TMEM132D: variants seen among roughly 807,000 people sequenced by gnomAD.
The protein encoded by TMEM132D is transmembrane protein 132D.
Under a neutral mutation model 62.3 loss-of-function variants are expected in TMEM132D, and 21 were observed. That is an observed-to-expected ratio of 0.34 (90% confidence interval 0.24 to 0.49). The LOEUF (loss-of-function observed/expected upper bound fraction) is 0.49, where lower values mean the gene tolerates loss of function less well. Among genes scored for constraint, TMEM132D ranks in the 20% least tolerant of loss-of-function variants. The pLI is 0.99. For missense variants in TMEM132D, 1,346 were observed against 1,402.8 expected (o/e 0.96, Z 0.65); for synonymous variants, 621 against 575.6 (o/e 1.08, Z -1.13).
intron 5 of TMEM132D, among the ~76,000 whole-genome samples, chr12:129,203,269 T>A (rs1368017720): frequency 6.6e-6 from 1 of 152,262 alleles, no homozygotes; most frequent in African/African-American, 2.4e-5. Flanking sequence ...TCTGACCACA[T>A]GACAGCTCCA....
chr12:129,739,171 G>C (rs898935680), intron 1 of TMEM132D, among the ~76,000 whole-genome samples: 1 of 152,196 alleles, frequency 6.6e-6, no homozygotes, highest in Admixed American at 6.5e-5. Context: ...GGTGGGTTAT[G>C]GATATCGGCT....
chr12:129,818,418 T>A (rs1872437320), intron 1 of TMEM132D, among the ~76,000 whole-genome samples: 1 of 143,812 alleles, frequency 7.0e-6, no homozygotes, highest in African/African-American at 2.6e-5. Context: ...GGGTTTTAAG[T>A]GTGTATGTGT....
intron 5 of TMEM132D, among the ~76,000 whole-genome samples, chr12:129,144,974 T>C (rs904621254): frequency 2.6e-5 from 4 of 152,124 alleles, no homozygotes; most frequent in Admixed American, 1.3e-4. Flanking sequence ...TAAGTCACTT[T>C]GGGGTAGTTT....
chr12:129,292,380 A>T (rs1881469219), intron 4 of TMEM132D, among the ~76,000 whole-genome samples: 1 of 152,206 alleles, frequency 6.6e-6, no homozygotes, highest in African/African-American at 2.4e-5. Flanking sequence ...CCGAGGAGCC[A>T]AAGATTCTTA....
chr12:129,446,302 C>T (rs1179176029), intron 3 of TMEM132D, among the ~76,000 whole-genome samples: 3 of 152,124 alleles, frequency 2.0e-5, no homozygotes, highest in Non-Finnish European at 4.4e-5. Flanking sequence ...ATCCCTAATT[C>T]CTAGGAATAT....
chr12:129,462,202 C>T (rs530317588), intron 3 of TMEM132D, among the ~76,000 whole-genome samples: 6 of 152,134 alleles, frequency 3.9e-5, no homozygotes, highest in Admixed American at 1.3e-4. Flanking sequence ...TTATTAAAGG[C>T]GCTTCTTGTT....
chr12:129,383,734 T>G (rs1871022674), intron 3 of TMEM132D, among the ~76,000 whole-genome samples: 1 of 152,250 alleles, frequency 6.6e-6, no homozygotes, highest in Non-Finnish European at 1.5e-5. Context: ...CCACCATGCC[T>G]GGCCTCTAGG....
intron 4 of TMEM132D, among the ~76,000 whole-genome samples, chr12:129,280,145 T>C (rs901953204): frequency 6.6e-6 from 1 of 152,172 alleles, no homozygotes; most frequent in Non-Finnish European, 1.5e-5. Context: ...AATTAAGGCC[T>C]AACAATGTAG....
chr12:129,707,212 G>A lies in TMEM132D; in HGVS notation c.80-6514C>T, dbSNP rs966010599. On this transcript the variant is annotated intron_variant, in intron 1 of 8. Coordinates refer to ENST00000422113, the MANE Select transcript of TMEM132D (RefSeq NM_133448.3). ...TAACATTGTAATATAATATATAATA[G>A]TATATATTATATATGTATATAATAC... Among the ~76,000 whole-genome samples, 2 of 146,626 alleles carry A rather than the reference G, an allele frequency of 1.4e-5. 1 individual carries two copies. The highest frequency in any genetic ancestry group is 4.2e-4 in the South Asian group (2 of 4,750).
chr12:129,470,039 T>C (rs1014784566), intron 3 of TMEM132D, among the ~76,000 whole-genome samples: 5 of 152,180 alleles, frequency 3.3e-5, no homozygotes, highest in Admixed American at 2.0e-4. Flanking sequence ...GTGTACAGTA[T>C]GTGAATCAAC....
In TMEM132D at chr12:129,099,817, T is replaced by A. The variant is rs559369743; in HGVS notation, c.1444-15115A>T. 5.0e-3 allele frequency among the ~76,000 whole-genome samples: 620 copies of A among 123,038 alleles called. 1 individual carries two copies. The highest frequency in any genetic ancestry group is 0.038 in the African/African-American group (582 of 15,396). The allele number at this position is 123,038 out of a possible 152,430, so 80.7% of individuals were successfully genotyped here. On this transcript the variant is annotated intron_variant, in intron 5 of 8. Coordinates refer to ENST00000422113, the MANE Select transcript of TMEM132D (RefSeq NM_133448.3). ...GCGAAACCCACTTTATTTTTTTTTA[T>A]TTTTTTTATTTTTATTTTTATTTTT...
chr12:129,734,349 C>T (rs780384533), intron 1 of TMEM132D, among the ~76,000 whole-genome samples: 4 of 152,186 alleles, frequency 2.6e-5, no homozygotes, highest in African/African-American at 7.2e-5. Context: ...GCTCCTTTAA[C>T]CAAAATCCTA....
At chr12:129,401,596 G>A (rs1051546239) in intron 3 of TMEM132D, among the ~76,000 whole-genome samples, 1 of 151,992 alleles carries the variant, frequency 6.6e-6, no homozygotes, top group Non-Finnish European at 1.5e-5. Flanking sequence ...AAAGAAAAAG[G>A]TGTGGTTTAG....
chr12:129,536,373 C>G (rs1876389525), intron 2 of TMEM132D, among the ~76,000 whole-genome samples: 1 of 151,952 alleles, frequency 6.6e-6, no homozygotes, highest in Non-Finnish European at 1.5e-5. Flanking sequence ...TCCATACTTA[C>G]TTTCTCTCAT....
At chr12:129,227,459 T>C (rs927682422) in intron 4 of TMEM132D, among the ~76,000 whole-genome samples, 5 of 149,662 alleles carry the variant, frequency 3.3e-5, no homozygotes, top group Non-Finnish European at 7.4e-5. Flanking sequence ...CTTCTCTTCA[T>C]TAATAAGAGA....
At chr12:129,424,883 G>C (rs1872447879) in intron 3 of TMEM132D, among the ~76,000 whole-genome samples, 1 of 152,056 alleles carries the variant, frequency 6.6e-6, no homozygotes. Context: ...ATCATCCTAA[G>C]TGAATTTTAG....
At chr12:129,591,629 C>T (rs116566944) in intron 2 of TMEM132D, among the ~76,000 whole-genome samples, 2,517 of 150,546 alleles carry the variant, frequency 0.017, 60 homozygotes, top group South Asian at 0.069. Flanking sequence ...TTATTCCAAG[C>T]CAGTCACTGA....
At chr12:129,299,354 GA>G (rs970607038) in intron 4 of TMEM132D, among the ~76,000 whole-genome samples, 30 of 151,044 alleles carry the variant, frequency 2.0e-4, no homozygotes, top group Non-Finnish European at 2.1e-4. Context: ...AGCCATACCT[GA>G]AATCCATATG....
chr12:129,815,766 C>T (rs1009742884), intron 1 of TMEM132D, among the ~76,000 whole-genome samples: 3 of 152,112 alleles, frequency 2.0e-5, no homozygotes, highest in Admixed American at 6.6e-5. Flanking sequence ...TTTCTGCTTT[C>T]GGCTTGTCTA....
Sources: allele counts gnomAD v4.1 joint callset (sites outside exome capture counted in the v4.1 genomes callset), GRCh38; gene constraint gnomAD v4.1.1; transcripts MANE v1.5; gene names NCBI Gene and HGNC (gene_info 2026-07-23, HGNC 2026-07-21).